REV3L: variants seen among roughly 807,000 people sequenced by gnomAD.
REV3L encodes REV3 like, DNA directed polymerase zeta catalytic subunit, also known as DNA polymerase zeta catalytic subunit.
REV3L carries 69 observed loss-of-function variants against 299.4 expected under a neutral mutation model. The ratio of observed to expected loss-of-function variants is 0.23; its 90% CI spans 0.19 to 0.28. The LOEUF is 0.28. Among genes scored for constraint, REV3L ranks in the 10% least tolerant of loss-of-function variants. The pLI, the probability that REV3L is intolerant of heterozygous loss-of-function variation, is 1.00. For missense variants in REV3L, 3,128 were observed against 3,693.8 expected, an observed-to-expected ratio of 0.85 and a Z score of 3.97; for synonymous variants, 1,238 against 1,271.4, an observed-to-expected ratio of 0.97 and a Z score of 0.56.
intron 1 of REV3L, among the ~76,000 whole-genome samples, chr6:111,481,627 G>T (rs1451078237): frequency 6.6e-6 from 1 of 152,178 alleles, no homozygotes; most frequent in African/African-American, 2.4e-5. Context: ...GGTGATGAGG[G>T]CAAGGAGCAT....
Position 111,405,325 on chromosome 6 carries a change from C to T in REV3L, c.565+145G>A, listed in dbSNP as rs56288345. The T allele has an allele frequency of 4.7e-5, 26 of 553,620 alleles. No homozygotes were observed. The East Asian group carries it at 7.5e-4, about 16-fold the overall frequency. The allele number at this position is 553,620 out of a possible 1,614,324, so 34.3% of individuals were successfully genotyped here. A position where few individuals can be genotyped will look rare whatever the true frequency, so the allele number is the denominator to read the frequency against. ...TGCTTTTCCTGACAATCTCTAATCC[C>T]ACTTTGCATGTATTTCTTTTCATTC... On this transcript the variant is annotated intron_variant, in intron 4 of 31. Transcript: ENST00000368802.
intron 31 of REV3L, among the ~76,000 whole-genome samples, chr6:111,304,533 C>T (rs1423451761): frequency 2.0e-5 from 3 of 151,864 alleles, no homozygotes; most frequent in African/African-American, 4.8e-5. Flanking sequence ...TTCATTTGAA[C>T]GTTCTTGAAA....
intron 1 of REV3L, among the ~76,000 whole-genome samples, chr6:111,464,732 T>A (rs771423785): frequency 1.3e-5 from 2 of 152,216 alleles, no homozygotes; most frequent in African/African-American, 2.4e-5. Flanking sequence ...CCGGGCATGG[T>A]TGCTCACGCC....
At chr6:111,415,393 T>C (rs1000243466) in intron 2 of REV3L, among the ~76,000 whole-genome samples, 2 of 152,156 alleles carry the variant, frequency 1.3e-5, no homozygotes, top group Non-Finnish European at 2.9e-5. Flanking sequence ...TGCTCAGTCA[T>C]AGGGTAAGAG....
intron 18 of REV3L, among the ~76,000 whole-genome samples, chr6:111,353,378 T>C (rs1269748737): frequency 6.6e-6 from 1 of 152,238 alleles, no homozygotes; most frequent in Non-Finnish European, 1.5e-5. Flanking sequence ...TGTTTTCTGA[T>C]TTTTAATTCT....
At chr6:111,424,926 C>T (rs941976904) in intron 1 of REV3L, among the ~76,000 whole-genome samples, 1 of 152,144 alleles carries the variant, frequency 6.6e-6, no homozygotes. Context: ...AATGAAATGT[C>T]CACCGGGGGC....
intron 1 of REV3L, among the ~76,000 whole-genome samples, chr6:111,482,511 G>A (rs963855890): frequency 6.6e-6 from 1 of 151,624 alleles, no homozygotes; most frequent in African/African-American, 2.4e-5. Context: ...TAAACACGCG[G>A]CGCTCGCCAC....
intron 22 of REV3L, 144 bp from the exon 23 acceptor site, chr6:111,333,511 G>C (rs983227631): frequency 9.3e-7 from 1 of 1,080,614 alleles, no homozygotes; most frequent in Admixed American, 2.8e-5. Flanking sequence ...TTTCGCTCTT[G>C]TTGCCCAAGC....
intron 14 of REV3L, 151 bp downstream of exon 14, chr6:111,366,964 G>A (rs1779290126): frequency 3.6e-6 from 2 of 555,860 alleles, no homozygotes; most frequent in Non-Finnish European, 6.0e-6. Context: ...AAAGACAGTT[G>A]CCATGTGACG....
chr6:111,308,142 T>TCC (rs1772546702), intron 30 of REV3L: 1 of 367,704 alleles, frequency 2.7e-6, no homozygotes, highest in African/African-American at 2.2e-5. Flanking sequence ...TGCATAGTAT[T>TCC]CCATGGTGTA....
At chr6:111,387,598 T>G (rs1562235393) in intron 9 of REV3L, 167 bp downstream of exon 9, 1 of 581,362 alleles carries the variant, frequency 1.7e-6, no homozygotes, top group Non-Finnish European at 3.0e-6. Context: ...GGATACTGCT[T>G]ACCTTTAGAG....
chr6:111,372,505 T>C, intron 13 of REV3L, 91 bp downstream of exon 13: 2 of 988,328 alleles, frequency 2.0e-6, no homozygotes, highest in Non-Finnish European at 2.8e-6. Context: ...TAACCAAATG[T>C]TGCATACATT....
At chr6:111,353,229 A>T (rs1269958009) in intron 18 of REV3L, among the ~76,000 whole-genome samples, 1 of 152,196 alleles carries the variant, frequency 6.6e-6, no homozygotes, top group Non-Finnish European at 1.5e-5. Flanking sequence ...ATAACAATGG[A>T]TCATGACCAG....
chr6:111,374,226 C>T lies in REV3L; in HGVS notation c.4129G>A (p.Gly1377Ser). The T allele has an allele frequency of 6.2e-7, 1 of 1,613,500 alleles. No individual in the cohort carries two copies. Among genetic ancestry groups the T allele is most frequent in the Non-Finnish European group, 8.5e-7 (1 of 1,179,574 alleles). Residue 1377 changes from glycine to serine, a missense_variant, in exon 13 of 32, where the codon GGT becomes AGT. Around this residue, in one of 9 missense-constraint regions of REV3L, gnomAD observed 2,409 missense variants for 2,611.8 expected, o/e 0.92. Transcript: ENST00000368802. ...TTATCTTCTATCTTTGAGGACATAC[C>T]AGAAGATATCTGTGTATTCTGTGCT... ...QVAQNTQISSGMSSKIEDNAN... is the reference protein window; with the variant it reads ...QVAQNTQISSSMSSKIEDNAN...
intron 31 of REV3L, among the ~76,000 whole-genome samples, chr6:111,305,043 G>A (rs1348785813): frequency 2.0e-5 from 3 of 151,454 alleles, no homozygotes; most frequent in Non-Finnish European, 4.4e-5. Flanking sequence ...CCAGGTTCAA[G>A]CGATTCTCCT....
At chr6:111,380,267 T>G in intron 10 of REV3L, 48 bp from the exon 11 acceptor site, 1 of 1,408,776 alleles carries the variant, frequency 7.1e-7, no homozygotes, top group South Asian at 1.2e-5. Context: ...TTCTTTTTTT[T>G]TTTTGACACG....
At chr6:111,434,899 A>G (rs1280665937) in intron 1 of REV3L, among the ~76,000 whole-genome samples, 1 of 152,182 alleles carries the variant, frequency 6.6e-6, no homozygotes, top group Non-Finnish European at 1.5e-5. Flanking sequence ...GATTAGAAGA[A>G]CCAATATTGT....
intron 27 of REV3L, among the ~76,000 whole-genome samples, chr6:111,313,698 C>T (rs550617649): frequency 6.6e-5 from 10 of 152,270 alleles, no homozygotes; most frequent in South Asian, 2.1e-4. Flanking sequence ...CCTTTTCTTG[C>T]GCTACCAGTT....
chr6:111,422,395 T>C (rs931779120), intron 1 of REV3L, among the ~76,000 whole-genome samples: 21 of 151,736 alleles, frequency 1.4e-4, no homozygotes, highest in Admixed American at 5.3e-4. Context: ...TTCTTGTTCT[T>C]TATAGAAAAA....
Sources: allele counts gnomAD v4.1 joint callset (sites outside exome capture counted in the v4.1 genomes callset), GRCh38; gene constraint gnomAD v4.1.1; regional missense constraint gnomAD v4.1.1; transcripts MANE v1.5; gene names NCBI Gene and HGNC (gene_info 2026-07-23, HGNC 2026-07-21).